KMT5A: variants seen among roughly 807,000 people sequenced by gnomAD.
KMT5A encodes lysine methyltransferase 5A.
Under a neutral mutation model 40.6 loss-of-function variants are expected in KMT5A, and 6 were observed. The ratio of observed to expected loss-of-function variants is 0.15; its 90% CI spans 0.08 to 0.29. The LOEUF (loss-of-function observed/expected upper bound fraction) is 0.29. KMT5A is among the 10% of genes least tolerant of loss of function. The pLI is 1.00. For synonymous variants in KMT5A, 153 were observed against 178.8 expected (o/e 0.86, Z 1.15); for missense variants, 308 against 459.1 (o/e 0.67, Z 3.01).
At chr12:123,400,366 T>A (rs1033915064) in intron 5 of KMT5A, among the ~76,000 whole-genome samples, 1 of 40,582 alleles carries the variant, frequency 2.5e-5, no homozygotes, top group South Asian at 1.4e-3. Flanking sequence ...TATTTTGCAA[T>A]TTTTTTTTTT....
At chr12:123,386,128 C>T (rs2139151330) in intron 1 of KMT5A, among the ~76,000 whole-genome samples, 1 of 152,152 alleles carries the variant, frequency 6.6e-6, no homozygotes, top group South Asian at 2.1e-4. Flanking sequence ...CTCACTGTCT[C>T]ACTTGACCCC....
chr12:123,396,380 C>T lies in KMT5A; in HGVS notation c.545C>T (p.Thr182Met). The T allele has an allele frequency of 2.5e-6, 4 of 1,613,940 alleles. No homozygotes were observed. The highest frequency in any genetic ancestry group is 3.4e-6 in the Non-Finnish European group (4 of 1,180,004). Reference sequence around the variant, plus strand: ...AAAACGCAACAGAATCGCAAACTTACGGATTTCTACCCTGTCCGAAGGAGC... The same window carrying T: ...AAAACGCAACAGAATCGCAAACTTATGGATTTCTACCCTGTCCGAAGGAGC... Reference protein sequence around the residue: ...QGKTQQNRKLTDFYPVRRSSR... With the variant: ...QGKTQQNRKLMDFYPVRRSSR... Residue 182 changes from threonine to methionine, a missense_variant, in exon 5 of 8, where the codon ACG (threonine) becomes ATG (methionine). Transcript: ENST00000402868.
intron 1 of KMT5A, among the ~76,000 whole-genome samples, chr12:123,388,266 G>A (rs533288001): frequency 1.3e-5 from 2 of 152,306 alleles, no homozygotes; most frequent in South Asian, 4.1e-4. Context: ...AGTTGGCTGG[G>A]GCTGAAAACC....
intron 5 of KMT5A, among the ~76,000 whole-genome samples, chr12:123,397,103 C>T (rs536711688): frequency 6.6e-6 from 1 of 152,386 alleles, no homozygotes; most frequent in African/African-American, 2.4e-5. Context: ...CACGCTGCTG[C>T]CATACTAGGA....
chr12:123,405,517 C>CTTTTTT (rs35093204), intron 7 of KMT5A, among the ~76,000 whole-genome samples: 1 of 78,026 alleles, frequency 1.3e-5, no homozygotes, highest in Non-Finnish European at 2.3e-5. Flanking sequence ...CGCCTGCTTC[C>CTTTTTT]TTTTTTTTTT....
intron 5 of KMT5A, among the ~76,000 whole-genome samples, chr12:123,399,917 G>A (rs770762513): frequency 6.6e-6 from 1 of 151,714 alleles, no homozygotes; most frequent in African/African-American, 2.4e-5. Context: ...TCCACCTCCC[G>A]GGTTCAAGTG....
intron 3 of KMT5A, chr12:123,391,028 T>C: frequency 2.1e-6 from 1 of 484,174 alleles, no homozygotes. Flanking sequence ...ATTGTCTTGC[T>C]TAGTTGCAAA....
chr12:123,389,399 C>A, intron 1 of KMT5A, 34 bp from the exon 2 acceptor site: 1 of 1,039,202 alleles, frequency 9.6e-7, no homozygotes, highest in Admixed American at 5.7e-5. Context: ...CCTGAGCGCC[C>A]CCTCCCCCGC....
At chr12:123,401,553 T>TTA (rs2139195828) in intron 5 of KMT5A, among the ~76,000 whole-genome samples, 1 of 151,896 alleles carries the variant, frequency 6.6e-6, no homozygotes, top group South Asian at 2.1e-4. Context: ...TATATTACTA[T>TTA]TAAATAAGTT....
chr12:123,407,513 C>G lies in KMT5A; in HGVS notation c.869C>G (p.Thr290Arg). The change falls in exon 8 of 8, where the codon ACA becomes AGA. Residue 290 changes from threonine to arginine, a missense_variant. Around this residue, in one of 4 missense-constraint regions of KMT5A, gnomAD observed 77 missense variants for 220.0 expected, o/e 0.35. Transcript: ENST00000402868. ...KTYCVDATRE[T>R]NRLGRLINHS... The stretch of plus-strand genomic sequence containing the variant: ...TCCAGCGTGGATGCAACTAGAGAGA[C>G]AAATCGCCTAGGAAGACTGATCAAT... The G allele has an allele frequency of 6.2e-7, 1 of 1,613,960 alleles. No individual in the cohort carries two copies. Among genetic ancestry groups the G allele is most frequent in the Non-Finnish European group, 8.5e-7 (1 of 1,179,858 alleles).
At chr12:123,407,452 C>G in intron 7 of KMT5A, 41 bp from the exon 8 acceptor site, 1 of 1,597,528 alleles carries the variant, frequency 6.3e-7, no homozygotes, top group South Asian at 1.1e-5. Context: ...TGAAAAGCCT[C>G]TTTATCCATT....
rs960598402 is a variant in KMT5A at position 123,384,878 on chromosome 12, C to T, written c.10+670C>T. 2.0e-5 allele frequency among the ~76,000 whole-genome samples: 3 copies of T among 152,164 alleles called. No homozygotes were observed. Among genetic ancestry groups the T allele is most frequent in the African/African-American group, 7.2e-5 (3 of 41,454 alleles). ...CTTGTACAGCCCTGGGAGGCGATGCCCTGTCTGAAGTCCTCTGCATACTTA... is the reference window on the plus strand; with the variant it reads ...CTTGTACAGCCCTGGGAGGCGATGCTCTGTCTGAAGTCCTCTGCATACTTA... On this transcript the variant is annotated intron_variant, in intron 1 of 7. Transcript: ENST00000402868. The surrounding 1 kb of genome is among the most constrained non-coding windows in gnomAD (Gnocchi z 5.7).
At chr12:123,402,832 TATG>T (rs984307860) in intron 5 of KMT5A, among the ~76,000 whole-genome samples, 3 of 152,196 alleles carry the variant, frequency 2.0e-5, no homozygotes, top group Non-Finnish European at 2.9e-5. Flanking sequence ...CAAACAGAAG[TATG>T]AGCCATCAGA....
intron 5 of KMT5A, among the ~76,000 whole-genome samples, chr12:123,397,079 C>T (rs1405562675): frequency 2.6e-5 from 4 of 152,236 alleles, no homozygotes; most frequent in African/African-American, 9.6e-5. Context: ...TTGTCACTCC[C>T]GTCTGCTCTT....
rs1480786156 is a variant in KMT5A, at chr12:123,408,459, A to G, written c.*756A>G. 2 of 151,424 alleles carry G rather than the reference A, an allele frequency of 1.3e-5. No individual in the cohort carries two copies. The highest frequency in any genetic ancestry group is 2.9e-5 in the Non-Finnish European group (2 of 67,876). The allele number at this position is 151,424 out of a possible 1,614,324, so 9.4% of individuals were successfully genotyped here. On this transcript the variant is annotated 3_prime_UTR_variant, in exon 8 of 8. Coordinates refer to ENST00000402868, the MANE Select transcript of KMT5A (RefSeq NM_020382.7). ...ATTCTTTATAGAAATGTGAACACTG[A>G]ATTTATTTTAAAAAATAATAATAAA...
chr12:123,389,644 G>T, intron 2 of KMT5A, 90 bp downstream of exon 2: 1 of 925,514 alleles, frequency 1.1e-6, no homozygotes, highest in Non-Finnish European at 1.3e-6. Context: ...CGCCCGGGGC[G>T]CCCGGCCGGG....
intron 3 of KMT5A, among the ~76,000 whole-genome samples, chr12:123,394,104 CTTTTTTTT>C (rs397711320): frequency 8.0e-6 from 1 of 125,076 alleles, no homozygotes; most frequent in Admixed American, 9.1e-5. Context: ...ATTTTTTTTT[CTTTTTTTT>C]TTTTTTTTTG....
intron 5 of KMT5A, among the ~76,000 whole-genome samples, chr12:123,401,528 TG>T (rs1311596307): frequency 6.6e-6 from 1 of 151,974 alleles, no homozygotes; most frequent in East Asian, 1.9e-4. Flanking sequence ...TATTGATATG[TG>T]AGGTTTTGTT....
rs557827820 is a variant in KMT5A, at chr12:123,399,789, G to A, written c.597+3357G>A. 8.5e-5 allele frequency among the ~76,000 whole-genome samples: 13 copies of A among 152,280 alleles called. No homozygotes were observed. In the East Asian group the frequency reaches 2.5e-3, roughly 29 times the overall value. ...GAACAGAAGTTCAGTACCAACCTGG[G>A]CAACATTGTGAGACCCCATCTTTTG... On this transcript the variant is annotated intron_variant, in intron 5 of 7. Transcript: ENST00000402868.
Sources: allele counts gnomAD v4.1 joint callset (sites outside exome capture counted in the v4.1 genomes callset), GRCh38; gene constraint gnomAD v4.1.1; regional missense constraint gnomAD v4.1.1; non-coding constraint Gnocchi (gnomAD v3.1); transcripts MANE v1.5; gene names NCBI Gene and HGNC (gene_info 2026-07-23, HGNC 2026-07-21).